PARP12: variants seen among roughly 807,000 people sequenced by gnomAD.
PARP12 encodes protein mono-ADP-ribosyltransferase PARP12.
PARP12 carries 59 observed loss-of-function variants against 72.4 expected under a neutral mutation model. The ratio of observed to expected loss-of-function variants is 0.81; its 90% CI spans 0.66 to 1.01. The LOEUF (loss-of-function observed/expected upper bound fraction) is 1.01. Ranked by LOEUF, PARP12 falls within the 50% of genes least tolerant of loss-of-function variation. PARP12 has a pLI of 0.00. For synonymous variants in PARP12, 403 were observed against 371.4 expected, an observed-to-expected ratio of 1.09 and a Z score of -0.98; for missense variants, 851 against 914.0, an observed-to-expected ratio of 0.93 and a Z score of 0.89.
Position 140,034,283 on chromosome 7 carries a change from C to T in PARP12, c.1373G>A (p.Arg458His), listed in dbSNP as rs1230260195. The T allele has an allele frequency of 6.8e-6, 11 of 1,612,774 alleles. No homozygotes were observed. Among genetic ancestry groups the T allele is most frequent in the East Asian group, 4.5e-5 (2 of 44,850 alleles). The change falls in exon 8 of 12, where the codon CGC (arginine) becomes CAC (histidine). Residue 458 changes from arginine (R) to histidine (H), a missense_variant. By Grantham distance (29) the Arg-to-His change is conservative (BLOSUM62 0). Transcript: ENST00000263549. ...LVYGTTKKVC[R>H]RPKYVSPQDV... is the part of the protein sequence containing the mutation. ...CTGGGGAGACACGTATTTGGGTCTG[C>T]GGCAAACCTTTTTAGTTGTGCCATA...
chr7:140,062,480 G>C, intron 1 of PARP12, 42 bp downstream of exon 1: 1 of 1,500,000 alleles, frequency 6.7e-7, no homozygotes, highest in Non-Finnish European at 8.9e-7. Flanking sequence ...GTGAGGGCGC[G>C]CAGGACCTCC....
At position 140,056,893 on chromosome 7, in the gene PARP12, G is replaced by C. The variant is rs1224949538; in HGVS notation, c.723C>G (p.Ser241Arg). Residue 241 changes from serine to arginine, a missense_variant, in exon 3 of 12, where the codon AGC (serine) becomes AGG (arginine). Physicochemically the swap from Ser to Arg is moderately radical, Grantham distance 110. Around this residue, in one of 3 missense-constraint regions of PARP12, gnomAD observed 492 missense variants for 489.3 expected, o/e 1.01. Transcript: ENST00000263549. ...HDIKNKSSAP[S>R]RVPPLFVPQG... ...GTGGGACAAAAAGAGGAGGCACTCT[G>C]CTGGGGGCAGAGCTCTTATTCTTGA... The C allele has an allele frequency of 6.2e-7, 1 of 1,612,364 alleles. No homozygotes were observed.
Position 140,023,900 on chromosome 7 carries a change from C to A in PARP12, c.*660G>T, listed in dbSNP as rs1402843897. ...GCAATCACAGGCCAAGCCTGGGGGT[C>A]CTCGGGGAAGCTACTCCTCCAGGTC... On this transcript the variant is annotated 3_prime_UTR_variant, in exon 12 of 12. Coordinates refer to ENST00000263549, the MANE Select transcript of PARP12 (RefSeq NM_022750.4). 1.9e-5 allele frequency: 3 copies of A among 157,578 alleles called. No individual in the cohort carries two copies. Among genetic ancestry groups the A allele is most frequent in the East Asian group, 3.7e-4 (2 of 5,336 alleles). The allele number at this position is 157,578 out of a possible 1,614,324, so 9.8% of individuals were successfully genotyped here.
intron 5 of PARP12, among the ~76,000 whole-genome samples, chr7:140,044,436 T>A (rs1253137580): frequency 6.6e-6 from 1 of 152,082 alleles, no homozygotes; most frequent in African/African-American, 2.4e-5. Context: ...GAGATTGGAG[T>A]GACGCGTCTA....
At position 140,051,275 on chromosome 7, in the gene PARP12, G is replaced by A. The variant is rs543503673; in HGVS notation, c.862+3387C>T. On this transcript the variant is annotated intron_variant, in intron 4 of 11. Transcript: ENST00000263549. The stretch of plus-strand genomic sequence containing the variant: ...AGTTCAGGACACTTTTGTAAAAGAC[G>A]ATACCAGCCATTTAGTCCACCCATA... Among the ~76,000 whole-genome samples the A allele has an allele frequency of 4.2e-4, 64 of 152,202 alleles. 1 individual carries two copies. The highest frequency in any genetic ancestry group is 1.2e-3 in the African/African-American group (51 of 41,502).
chr7:140,025,110 T>C (rs1396291020), intron 11 of PARP12: 2 of 559,228 alleles, frequency 3.6e-6, no homozygotes, highest in Non-Finnish European at 6.4e-6. Flanking sequence ...GTTACCAAAC[T>C]GAGATAGCAA....
rs1198895407 is a variant in PARP12 at position 140,057,945 on chromosome 7, T to G, written c.416A>C (p.Glu139Ala). The G allele has an allele frequency of 7.4e-6, 12 of 1,614,190 alleles. No homozygotes were observed. Among genetic ancestry groups the G allele is most frequent in the Non-Finnish European group, 1.0e-5 (12 of 1,180,032 alleles). ...THGVDHLSYN[E>A]LCQLLFQNDP... ...GTTCTGAAACAAGAGTTGGCATAGC[T>G]CATTATAGCTCAGGTGGTCAACGCC... Residue 139 changes from glutamate (E) to alanine (A), a missense_variant, in exon 2 of 12, where the codon GAG (glutamate) becomes GCG (alanine). By Grantham distance (107) the Glu-to-Ala change is moderately radical. This residue lies in a region of PARP12 where 492 missense variants were observed against 489.3 expected (regional missense o/e 1.01). Coordinates refer to ENST00000263549, the MANE Select transcript of PARP12 (RefSeq NM_022750.4).
intron 3 of PARP12, 98 bp from the exon 4 acceptor site, chr7:140,054,861 C>T (rs2116651591): frequency 6.0e-6 from 6 of 1,002,988 alleles, no homozygotes; most frequent in African/African-American, 1.6e-5. Flanking sequence ...AAGTGGGCAA[C>T]GCAAGCTCAC....
chr7:140,062,029 G>A (rs941062747), intron 1 of PARP12, among the ~76,000 whole-genome samples: 2 of 151,838 alleles, frequency 1.3e-5, no homozygotes, highest in Non-Finnish European at 2.9e-5. Context: ...TGGGTGGGCA[G>A]GGACCAGTGC....
chr7:140,031,714 GC>G (rs1815944572), intron 8 of PARP12, among the ~76,000 whole-genome samples: 1 of 152,084 alleles, frequency 6.6e-6, no homozygotes, highest in Admixed American at 6.5e-5. Flanking sequence ...TCTTCTTGTG[GC>G]CCCCTAAAAA....
rs373001632 is a variant in PARP12, at chr7:140,037,786, G to A, written c.1253C>T (p.Pro418Leu). The change falls in exon 7 of 12, where the codon CCG becomes CTG. Residue 418 changes from proline (P) to leucine (L), a missense_variant. Transcript: ENST00000263549. ...VEKAYLAYCT[P>L]GSDGQAATLK... Reference sequence around the variant, plus strand: ...GGTGGCTGCCTGGCCGTCAGACCCCGGTGTACAGTAGGCCAGGTAGGCCTT... The same window carrying A: ...GGTGGCTGCCTGGCCGTCAGACCCCAGTGTACAGTAGGCCAGGTAGGCCTT... 4.3e-5 allele frequency: 70 copies of A among 1,614,074 alleles called. No homozygotes were observed. Among genetic ancestry groups the A allele is most frequent in the Admixed American group, 3.2e-4 (19 of 60,008 alleles).
At position 140,034,223 on chromosome 7, in the gene PARP12, A is replaced by C; in HGVS notation, c.1421+12T>G. On this transcript the variant is annotated intron_variant, in intron 8 of 11. Coordinates refer to ENST00000263549, the MANE Select transcript of PARP12 (RefSeq NM_022750.4). ...TTACATCCTAAGTACCAAGCCCCCC[A>C]CTGCAACCTACCAGGTTTGCATGGT... is the stretch of plus-strand genomic sequence containing the variant. 1.2e-6 allele frequency: 2 copies of C among 1,610,734 alleles called. No individual in the cohort carries two copies. Among genetic ancestry groups the C allele is most frequent in the Non-Finnish European group, 1.7e-6 (2 of 1,177,948 alleles).
chr7:140,041,531 G>C, intron 6 of PARP12, 113 bp downstream of exon 6: 2 of 1,069,232 alleles, frequency 1.9e-6, no homozygotes, highest in Non-Finnish European at 2.7e-6. Context: ...CTGGCACCTG[G>C]GGATCCTCAG....
chr7:140,056,989 T>C lies in PARP12; in HGVS notation c.627A>G (p.Lys209=). 1 of 1,614,206 alleles carries C rather than the reference T, an allele frequency of 6.2e-7. No homozygotes were observed. Residue 209 remains lysine, a synonymous_variant, in exon 3 of 12, where the codon AAA becomes AAG. Transcript: ENST00000263549. The stretch of plus-strand genomic sequence containing the variant: ...CTGAGCTCATACCCAACTTCTCCAA[T>C]TTTTCCAGATTCTCAGAATTAGAGA... ...HDFSNSENLE[K]LEKLGMSSDL...
At chr7:140,031,205 T>A (rs1306879689) in intron 8 of PARP12, among the ~76,000 whole-genome samples, 1 of 152,082 alleles carries the variant, frequency 6.6e-6, no homozygotes, top group African/African-American at 2.4e-5. Context: ...AGACCCTGTC[T>A]CCACAACAAA....
chr7:140,028,780 C>T, intron 8 of PARP12, 92 bp from the exon 9 acceptor site: 1 of 1,101,016 alleles, frequency 9.1e-7, no homozygotes, highest in Non-Finnish European at 1.3e-6. Flanking sequence ...TATCACCAGT[C>T]TTGAGTCTCA....
At position 140,026,260 on chromosome 7, in the gene PARP12, C is replaced by A. The variant is rs1248682011; in HGVS notation, c.1717G>T (p.Ala573Ser). The A allele has an allele frequency of 1.2e-6, 2 of 1,614,040 alleles. No homozygotes were observed. Among genetic ancestry groups the A allele is most frequent in the Admixed American group, 3.3e-5 (2 of 60,030 alleles). Residue 573 changes from alanine to serine, a missense_variant, in exon 11 of 12, where the codon GCC (alanine) becomes TCC (serine). Coordinates refer to ENST00000263549, the MANE Select transcript of PARP12 (RefSeq NM_022750.4). ...FHGTSAIFVD[A>S]ICQQNFDWRV... The stretch of plus-strand genomic sequence containing the variant: ...CAGTCAAAGTTCTGCTGGCAGATGG[C>A]GTCCACAAAAATGGCGCTGGTGCCG...
chr7:140,031,993 C>CA (rs1303284064), intron 8 of PARP12, among the ~76,000 whole-genome samples: 1 of 152,008 alleles, frequency 6.6e-6, no homozygotes, highest in Non-Finnish European at 1.5e-5. Context: ...ATTTATATAA[C>CA]AAAACGAGGG....
intron 7 of PARP12, among the ~76,000 whole-genome samples, chr7:140,036,938 T>C (rs938004954): frequency 6.6e-6 from 1 of 152,178 alleles, no homozygotes; most frequent in Non-Finnish European, 1.5e-5. Context: ...CAGGACACCA[T>C]GAGTGCACGA....
Sources: allele counts gnomAD v4.1 joint callset (sites outside exome capture counted in the v4.1 genomes callset), GRCh38; gene constraint gnomAD v4.1.1; regional missense constraint gnomAD v4.1.1; transcripts MANE v1.5; gene names NCBI Gene and HGNC (gene_info 2026-07-23, HGNC 2026-07-21).